The following MED27 variants were observed in gnomAD, a reference collection of about 807,000 sequenced individuals.
MED27 encodes mediator of RNA polymerase II transcription subunit 27.
A neutral mutation model predicts 38.2 loss-of-function variants in MED27; 30 were observed. The ratio of observed to expected loss-of-function variants is 0.79; its 90% CI spans 0.59 to 1.07. The LOEUF is 1.07. MED27 is among the 50% of genes least tolerant of loss of function. MED27 has a pLI of 0.00. For missense variants in MED27, 289 were observed against 397.5 expected (o/e 0.73, Z 2.32); for synonymous variants, 122 against 153.5 (o/e 0.79, Z 1.52).
intron 3 of MED27, among the ~76,000 whole-genome samples, chr9:131,940,489 C>T (rs1830766844): frequency 6.6e-6 from 1 of 152,034 alleles, no homozygotes. Context: ...TATCTCAGCT[C>T]ACTGCAACCT....
At chr9:131,931,013 A>AG (rs1830576402) in intron 4 of MED27, among the ~76,000 whole-genome samples, 1 of 152,134 alleles carries the variant, frequency 6.6e-6, no homozygotes. Flanking sequence ...TGGGAAGCCA[A>AG]GGGGGCAGAC....
intron 3 of MED27, 77 bp from the exon 4 acceptor site, chr9:131,939,551 T>C (rs768727461): frequency 1.4e-5 from 12 of 862,484 alleles, no homozygotes; most frequent in Non-Finnish European, 1.9e-5. Context: ...TCAAAAGACA[T>C]TGCTTTTAAA....
chr9:131,993,215 T>C (rs1301676090), intron 3 of MED27, among the ~76,000 whole-genome samples: 3 of 148,146 alleles, frequency 2.0e-5, no homozygotes, highest in African/African-American at 7.4e-5. Context: ...TAGTTTAACA[T>C]CAGTTGTTAT....
chr9:131,957,262 A>C (rs141079534), intron 3 of MED27, among the ~76,000 whole-genome samples: 1,655 of 151,620 alleles, frequency 0.011, 40 homozygotes, highest in African/African-American at 0.037. Context: ...TTATTCTTTT[A>C]TTCTTTTTTT....
At chr9:132,026,213 G>A (rs1042344169) in intron 2 of MED27, among the ~76,000 whole-genome samples, 4 of 152,182 alleles carry the variant, frequency 2.6e-5, no homozygotes, top group Non-Finnish European at 4.4e-5. Flanking sequence ...CACCAACCAC[G>A]TCCATCCAGA....
chr9:132,024,136 T>C lies in MED27; in HGVS notation c.349-9669A>G, dbSNP rs544124633. Among the ~76,000 whole-genome samples the C allele has an allele frequency of 1.5e-3, 235 of 152,300 alleles. 1 individual carries two copies. Among genetic ancestry groups the C allele is most frequent in the African/African-American group, 5.2e-3 (218 of 41,570 alleles). The stretch of plus-strand genomic sequence containing the variant: ...TCAAACCCCAGCTCAACATGAGTGA[T>C]TCTGGGTGTTTTTCCTCCCTTCTGA... On this transcript the variant is annotated intron_variant, in intron 2 of 7. Transcript: ENST00000292035.
Position 131,955,639 on chromosome 9 carries a change from G to A in MED27, c.480-16165C>T, listed in dbSNP as rs761208683. ...GAACCAATCTCTTCGACAGCTAGAC[G>A]AAGTGGATGTCTTTGAAAGATGTAA... On this transcript the variant is annotated intron_variant, in intron 3 of 7. Transcript: ENST00000292035. Among the ~76,000 whole-genome samples the A allele has an allele frequency of 2.6e-5, 4 of 152,192 alleles. No homozygotes were observed. The East Asian group carries it at 7.7e-4, about 29-fold the overall frequency.
rs559994757 is a variant in MED27 at position 131,884,236 on chromosome 9, G to A, written c.682-137C>T. On this transcript the variant is annotated intron_variant, in intron 5 of 7. Coordinates refer to ENST00000292035, the MANE Select transcript of MED27 (RefSeq NM_004269.4). ...TATAGAATAATAGGATCTCAGGGTT[G>A]AAAAGGATCTTAAATGTCTGACTTA... 7.0e-6 allele frequency: 4 copies of A among 575,480 alleles called. No homozygotes were observed. In the African/African-American group the frequency reaches 7.8e-5, roughly 11 times the overall value. The allele number at this position is 575,480 out of a possible 1,614,324, so 35.6% of individuals were successfully genotyped here.
At chr9:131,866,483 G>A (rs111279249) in intron 6 of MED27, among the ~76,000 whole-genome samples, 4 of 104,172 alleles carry the variant, frequency 3.8e-5, no homozygotes, top group Non-Finnish European at 6.5e-5. Flanking sequence ...TACCCAAGCA[G>A]CCTCGTGGTT....
chr9:132,059,482 T>C (rs62581897), intron 2 of MED27, among the ~76,000 whole-genome samples: 10,823 of 152,294 alleles, frequency 0.071, 493 homozygotes, highest in Middle Eastern at 0.12. Flanking sequence ...CTGCCAGCAA[T>C]GCCAAGGCTG....
intron 4 of MED27, among the ~76,000 whole-genome samples, chr9:131,927,357 G>C (rs1015877116): frequency 2.0e-5 from 3 of 152,244 alleles, no homozygotes; most frequent in African/African-American, 7.2e-5. Context: ...GCCAGTAACT[G>C]TCTTGGCAAT....
chr9:132,054,481 C>T (rs1007474924), intron 2 of MED27, among the ~76,000 whole-genome samples: 2 of 152,236 alleles, frequency 1.3e-5, no homozygotes, highest in African/African-American at 4.8e-5. Context: ...GTGCAGTGGC[C>T]GGATTTCTGC....
At chr9:132,001,782 G>A (rs752681024) in intron 3 of MED27, among the ~76,000 whole-genome samples, 12 of 152,156 alleles carry the variant, frequency 7.9e-5, no homozygotes, top group Admixed American at 3.9e-4. Context: ...TTTCCCTTAC[G>A]GTATAGATGC....
chr9:131,909,483 G>A (rs567244728), intron 4 of MED27, among the ~76,000 whole-genome samples: 3 of 152,218 alleles, frequency 2.0e-5, no homozygotes, highest in Non-Finnish European at 4.4e-5. Flanking sequence ...ACTTAAACAG[G>A]ACTGTCCTCT....
chr9:131,895,524 G>A (rs1281820883), intron 4 of MED27, among the ~76,000 whole-genome samples: 1 of 152,094 alleles, frequency 6.6e-6, no homozygotes, highest in Non-Finnish European at 1.5e-5. Flanking sequence ...GATTAGTCCT[G>A]GGTATCAGTG....
chr9:131,919,936 G>A (rs768239923), intron 4 of MED27, among the ~76,000 whole-genome samples: 1 of 151,642 alleles, frequency 6.6e-6, no homozygotes, highest in African/African-American at 2.4e-5. Flanking sequence ...AGCCTCCCGA[G>A]TAGCTGGGAC....
chr9:132,063,520 G>C (rs983227269), intron 2 of MED27, among the ~76,000 whole-genome samples: 9 of 152,182 alleles, frequency 5.9e-5, no homozygotes, highest in Admixed American at 2.0e-4. Flanking sequence ...TGCTGTCTGA[G>C]CTACTGTGAA....
chr9:131,974,576 C>A (rs1032243870), intron 3 of MED27, among the ~76,000 whole-genome samples: 4 of 152,190 alleles, frequency 2.6e-5, no homozygotes, highest in Non-Finnish European at 5.9e-5. Flanking sequence ...GAAACTCAGG[C>A]CCGGAGAGAA....
At chr9:131,891,545 G>A (rs755488993) in intron 5 of MED27, among the ~76,000 whole-genome samples, 3 of 152,190 alleles carry the variant, frequency 2.0e-5, no homozygotes, top group Non-Finnish European at 4.4e-5. Flanking sequence ...CAGCAAACTG[G>A]TTTCCACAGT....
Sources: gnomAD v4.1 joint callset for allele counts (sites outside exome capture counted in the v4.1 genomes callset) on GRCh38, gnomAD v4.1.1 for gene constraint, MANE v1.5 for transcripts, NCBI Gene and HGNC (gene_info 2026-07-23, HGNC 2026-07-21) for gene names.